ABCC1: variants seen among roughly 807,000 people sequenced by gnomAD.
The protein encoded by ABCC1 is ATP binding cassette subfamily C member 1 (ABCC1 blood group).
ABCC1 carries 83 observed loss-of-function variants against 172.9 expected under a neutral mutation model. The ratio of observed to expected loss-of-function variants is 0.48; its 90% CI spans 0.40 to 0.58. ABCC1 has a LOEUF of 0.58. Among genes scored for constraint, ABCC1 ranks in the 20% least tolerant of loss-of-function variants. The pLI is 0.00. For synonymous variants in ABCC1, 937 were observed against 825.2 expected (o/e 1.14, Z -2.32); for missense variants, 1,817 against 2,002.7 (o/e 0.91, Z 1.77).
intron 19 of ABCC1, among the ~76,000 whole-genome samples, chr16:16,102,253 C>T (rs906839051): frequency 6.6e-6 from 1 of 152,230 alleles, no homozygotes; most frequent in African/African-American, 2.4e-5. Context: ...TATGCCCTTT[C>T]CCTCATGCGT....
chr16:16,100,014 A>C (rs1357692463), intron 19 of ABCC1, among the ~76,000 whole-genome samples: 3 of 152,226 alleles, frequency 2.0e-5, no homozygotes, highest in South Asian at 4.1e-4. Flanking sequence ...TGAACCCAAG[A>C]GGCAGAGGTT....
chr16:16,079,789 TTTATTA>T (rs998307718), intron 16 of ABCC1, among the ~76,000 whole-genome samples: 5 of 151,854 alleles, frequency 3.3e-5, no homozygotes, highest in East Asian at 1.9e-4. Flanking sequence ...AAGCTGTTAT[TTTATTA>T]TTATTATTAT....
At chr16:15,995,242 C>G (rs1327564213) in intron 1 of ABCC1, among the ~76,000 whole-genome samples, 1 of 152,222 alleles carries the variant, frequency 6.6e-6, no homozygotes, top group Middle Eastern at 3.4e-3. Flanking sequence ...TACCTGAGTC[C>G]TAGAGTTGTG....
intron 1 of ABCC1, among the ~76,000 whole-genome samples, chr16:15,955,439 C>G (rs2045972483): frequency 6.6e-6 from 1 of 152,182 alleles, no homozygotes; most frequent in Non-Finnish European, 1.5e-5. Flanking sequence ...CCAGCTGTCC[C>G]TCTTCTACTA....
intron 20 of ABCC1, among the ~76,000 whole-genome samples, chr16:16,104,165 G>A (rs2051941321): frequency 6.6e-6 from 1 of 152,154 alleles, no homozygotes; most frequent in Non-Finnish European, 1.5e-5. Context: ...CTGAGCAGCA[G>A]AAAGATTTAT....
chr16:16,048,608 A>G (rs542206330), intron 10 of ABCC1, among the ~76,000 whole-genome samples: 69 of 152,252 alleles, frequency 4.5e-4, no homozygotes, highest in African/African-American at 1.6e-3. Flanking sequence ...ATCCTCCCAA[A>G]CGCTAACCAG....
At chr16:16,051,969 G>A (rs941567355) in intron 10 of ABCC1, among the ~76,000 whole-genome samples, 4 of 148,418 alleles carry the variant, frequency 2.7e-5, no homozygotes, top group African/African-American at 9.8e-5. Context: ...GATGGCTCGC[G>A]CCTGTAATCC....
chr16:16,122,013 C>T lies in ABCC1; in HGVS notation c.3429C>T (p.Leu1143=), dbSNP rs745612930. Residue 1143 remains leucine, a synonymous_variant, in exon 24 of 31, where the codon CTC becomes CTT. Transcript: ENST00000399410. ...YVASSRQLKR[L]ESVSRSPVYS... is the part of the protein sequence containing the mutation. ...CTTCCTCCCGGCAGCTGAAGCGCCT[C>T]GAGTCGGTCAGCCGCTCCCCGGTCT... 22 of 1,614,078 alleles carry T rather than the reference C, an allele frequency of 1.4e-5. No individual in the cohort carries two copies. Among genetic ancestry groups the T allele is most frequent in the South Asian group, 7.7e-5 (7 of 91,092 alleles).
At chr16:16,120,337 A>G (rs1236718223) in intron 23 of ABCC1, among the ~76,000 whole-genome samples, 1 of 152,190 alleles carries the variant, frequency 6.6e-6, no homozygotes, top group Non-Finnish European at 1.5e-5. Flanking sequence ...GTAGATGAGA[A>G]AAACCTAGGC....
At chr16:16,066,953 T>C (rs765234698) in intron 12 of ABCC1, among the ~76,000 whole-genome samples, 3 of 151,452 alleles carry the variant, frequency 2.0e-5, no homozygotes, top group Non-Finnish European at 2.9e-5. Flanking sequence ...CGTTACCGCT[T>C]AGAAGATGGG....
intron 23 of ABCC1, among the ~76,000 whole-genome samples, chr16:16,117,034 C>A (rs2044912067): frequency 6.6e-6 from 1 of 152,132 alleles, no homozygotes; most frequent in African/African-American, 2.4e-5. Context: ...GGGGGGATTT[C>A]ATCACACTAC....
intron 30 of ABCC1, among the ~76,000 whole-genome samples, chr16:16,139,591 AAC>A (rs1180747117): frequency 6.5e-5 from 9 of 138,136 alleles, no homozygotes; most frequent in African/African-American, 2.5e-4. Flanking sequence ...CAGCCTGGGC[AAC>A]AGAGTGAGAC....
chr16:16,106,577 G>T, intron 20 of ABCC1, 161 bp from the exon 21 acceptor site: 1 of 771,994 alleles, frequency 1.3e-6, no homozygotes, highest in Middle Eastern at 3.5e-4. Context: ...ACATGGTGGG[G>T]TGTGGTGCAT....
At chr16:16,109,536 A>AC (rs1429114406) in intron 21 of ABCC1, among the ~76,000 whole-genome samples, 2 of 152,220 alleles carry the variant, frequency 1.3e-5, no homozygotes, top group African/African-American at 2.4e-5. Context: ...ATGAGCACAG[A>AC]CACGGGTAAA....
chr16:16,038,037 A>C, intron 7 of ABCC1, among the ~76,000 whole-genome samples: 1 of 129,540 alleles, frequency 7.7e-6, no homozygotes, highest in Non-Finnish European at 1.6e-5. Context: ...TGGAGACAGA[A>C]CTAGTAGGAT....
chr16:16,132,510 GTTT>G (rs71137915), intron 27 of ABCC1, among the ~76,000 whole-genome samples: 18 of 37,302 alleles, frequency 4.8e-4, no homozygotes, highest in African/African-American at 1.3e-3. Context: ...TTGGTTGGTT[GTTT>G]TTTTTTTTTT....
chr16:16,141,099 C>A, intron 30 of ABCC1, 74 bp from the exon 31 acceptor site: 1 of 1,346,624 alleles, frequency 7.4e-7, no homozygotes, highest in Non-Finnish European at 1.1e-6. Context: ...GTGACTTGCC[C>A]AGGTCAGTTG....
At chr16:16,134,625 C>A in intron 28 of ABCC1, 117 bp downstream of exon 28, 170 of 354,616 alleles carry the variant, frequency 4.8e-4, no homozygotes, top group Non-Finnish European at 7.3e-4. Flanking sequence ...CTTCATCGTT[C>A]TTTTTTTTTT....
intron 5 of ABCC1, among the ~76,000 whole-genome samples, chr16:16,030,474 A>C (rs775854207): frequency 7.2e-5 from 11 of 152,144 alleles, no homozygotes; most frequent in Non-Finnish European, 1.2e-4. Context: ...GCAGTGAGCC[A>C]AGATCACGCC....
Sources: gnomAD v4.1 joint callset for allele counts (sites outside exome capture counted in the v4.1 genomes callset) on GRCh38, gnomAD v4.1.1 for gene constraint, MANE v1.5 for transcripts, NCBI Gene and HGNC (gene_info 2026-07-23, HGNC 2026-07-21) for gene names.